Variants in ITGB5 observed in about 807,000 individuals in gnomAD.
The protein encoded by ITGB5 is integrin subunit beta 5.
Under a neutral mutation model 84.8 loss-of-function variants are expected in ITGB5, and 38 were observed. The observed-to-expected ratio is 0.45, with a 90% CI of 0.35 to 0.59. The LOEUF is 0.59. Among genes scored for constraint, ITGB5 ranks in the 20% least tolerant of loss-of-function variants. ITGB5 has a pLI of 0.01. For synonymous variants in ITGB5, 393 were observed against 414.4 expected, an observed-to-expected ratio of 0.95 and a Z score of 0.63; for missense variants, 905 against 1,034.5, an observed-to-expected ratio of 0.87 and a Z score of 1.72.
intron 8 of ITGB5, among the ~76,000 whole-genome samples, chr3:124,815,307 C>T (rs775949564): frequency 1.3e-5 from 2 of 152,214 alleles, no homozygotes; most frequent in Admixed American, 6.5e-5. Flanking sequence ...ATATCAAAGC[C>T]GCCAGGAGCA....
At chr3:124,894,195 C>T (rs1377215706) in intron 1 of ITGB5, among the ~76,000 whole-genome samples, 66 of 127,250 alleles carry the variant, frequency 5.2e-4, no homozygotes, top group Middle Eastern at 6.7e-3. Context: ...TGCAGTGGCA[C>T]GATCTCGGCT....
chr3:124,806,496 C>T (rs1173218168), intron 9 of ITGB5, among the ~76,000 whole-genome samples: 2 of 139,592 alleles, frequency 1.4e-5, no homozygotes, highest in Admixed American at 7.9e-5. Context: ...TGCAGTGGCG[C>T]GATCTCGGCT....
At position 124,813,359 on chromosome 3, in the gene ITGB5, G is replaced by C. The variant is rs191576316; in HGVS notation, c.1129-4203C>G. On this transcript the variant is annotated intron_variant, in intron 8 of 14. Transcript: ENST00000296181. ...CCATGCAATTCTCTACTGGACACTG[G>C]TTGGTTATCTTCTAATTCAGCACAA... Among the ~76,000 whole-genome samples, 59 of 152,254 alleles carry C rather than the reference G, an allele frequency of 3.9e-4. 1 individual carries two copies. Among genetic ancestry groups the C allele is most frequent in the Admixed American group, 2.8e-3 (43 of 15,302 alleles).
At chr3:124,865,487 T>TTTC (rs1559977083) in intron 2 of ITGB5, among the ~76,000 whole-genome samples, 8 of 135,372 alleles carry the variant, frequency 5.9e-5, no homozygotes, top group African/African-American at 2.0e-4. Context: ...TTTTCTTTTT[T>TTTC]TTTTTTTTTT....
chr3:124,775,213 A>G (rs950063396), intron 10 of ITGB5, among the ~76,000 whole-genome samples: 15 of 152,118 alleles, frequency 9.9e-5, no homozygotes, highest in Admixed American at 9.8e-4. Flanking sequence ...CTTGTGAGAA[A>G]GCGAGTGTGA....
intron 1 of ITGB5, among the ~76,000 whole-genome samples, chr3:124,898,217 T>TC (rs558311741): frequency 0.057 from 3,243 of 57,132 alleles, 135 homozygotes; most frequent in African/African-American, 0.18. Context: ...TGCTTTGAGG[T>TC]CTTTTTTTTT....
At chr3:124,857,210 A>G (rs1237425641) in intron 3 of ITGB5, 1 of 152,266 alleles carries the variant, frequency 6.6e-6, no homozygotes, top group East Asian at 1.9e-4. Context: ...AGCAACAACA[A>G]CGAGCTTTAC....
At chr3:124,900,639 A>G (rs933200676) in intron 1 of ITGB5, among the ~76,000 whole-genome samples, 1 of 151,932 alleles carries the variant, frequency 6.6e-6, no homozygotes, top group African/African-American at 2.4e-5. Context: ...GCTCTCCCCA[A>G]CCTAATCTCC....
chr3:124,863,308 G>C (rs1405416920), intron 2 of ITGB5: 2 of 152,206 alleles, frequency 1.3e-5, no homozygotes, highest in Non-Finnish European at 2.9e-5. Context: ...AAGAGGTAAA[G>C]ATCTCTTTTG....
At chr3:124,827,132 A>T (rs2064794585) in intron 5 of ITGB5, among the ~76,000 whole-genome samples, 1 of 152,206 alleles carries the variant, frequency 6.6e-6, no homozygotes, top group Admixed American at 6.5e-5. Context: ...AAAAAAAACA[A>T]TGAACTACAA....
At chr3:124,774,878 T>C (rs937403691) in intron 10 of ITGB5, among the ~76,000 whole-genome samples, 15 of 152,178 alleles carry the variant, frequency 9.9e-5, no homozygotes, top group Admixed American at 9.8e-4. Flanking sequence ...CAGTGACTTA[T>C]GGGGCAGGCA....
intron 10 of ITGB5, 108 bp from the exon 11 acceptor site, chr3:124,774,020 C>T (rs1303263512): frequency 8.3e-6 from 8 of 963,576 alleles, no homozygotes; most frequent in Non-Finnish European, 1.3e-5. Flanking sequence ...GAATGGAACA[C>T]CAACTCTGCC....
rs146966909 is a variant in ITGB5, at chr3:124,879,466, T to C, written c.71-5935A>G. On this transcript the variant is annotated intron_variant, in intron 1 of 14. Transcript: ENST00000296181. Reference sequence around the variant, plus strand: ...CACAATGGACAAAAGAGTCCCAGTATAGACTCCAGCAACTAAATAGCCATA... The same window carrying C: ...CACAATGGACAAAAGAGTCCCAGTACAGACTCCAGCAACTAAATAGCCATA... 3.3e-3 allele frequency among the ~76,000 whole-genome samples: 498 copies of C among 152,338 alleles called. 2 individuals carry two copies. The highest frequency in any genetic ancestry group is 5.3e-3 in the Admixed American group (81 of 15,304).
In ITGB5 at chr3:124,763,413, C is replaced by T. The variant is rs114406611; in HGVS notation, c.*210G>A. The T allele has an allele frequency of 2.9e-5, 12 of 417,076 alleles. No individual in the cohort carries two copies. Among genetic ancestry groups the T allele is most frequent in the Admixed American group, 8.3e-5 (2 of 24,120 alleles). 25.8% of individuals were successfully genotyped at this position (417,076 alleles called of 1,614,324 possible). A position where few individuals can be genotyped will look rare whatever the true frequency, so the allele number is the denominator to read the frequency against. On this transcript the variant is annotated 3_prime_UTR_variant, in exon 15 of 15. Transcript: ENST00000296181. ...TTGCTTTATCCCAAGCTCGGAGGGA[C>T]GCAGCCTGGCATGGCTCTGGCCTAG... is the stretch of plus-strand genomic sequence containing the variant.
intron 2 of ITGB5, among the ~76,000 whole-genome samples, chr3:124,863,925 A>G (rs1024524250): frequency 1.3e-5 from 2 of 151,638 alleles, no homozygotes; most frequent in African/African-American, 4.8e-5. Flanking sequence ...GTATACAAAC[A>G]TTATAAATCT....
intron 3 of ITGB5, among the ~76,000 whole-genome samples, chr3:124,849,114 C>T (rs1190683093): frequency 6.6e-6 from 1 of 152,172 alleles, no homozygotes; most frequent in Admixed American, 6.5e-5. Context: ...TCCTTAACAA[C>T]CAGGCTCCTT....
At chr3:124,848,270 A>C in intron 4 of ITGB5, 39 bp downstream of exon 4, 1 of 1,597,628 alleles carries the variant, frequency 6.3e-7, no homozygotes, top group South Asian at 1.1e-5. Flanking sequence ...CCATTCTCCC[A>C]CCCTTAAGTA....
intron 10 of ITGB5, among the ~76,000 whole-genome samples, chr3:124,787,222 G>A (rs1276426737): frequency 6.6e-6 from 1 of 152,108 alleles, no homozygotes; most frequent in African/African-American, 2.4e-5. Flanking sequence ...GACGGTGAGG[G>A]GAGGCCCAAC....
chr3:124,899,284 G>A (rs561908930), intron 1 of ITGB5, among the ~76,000 whole-genome samples: 1 of 152,166 alleles, frequency 6.6e-6, no homozygotes, highest in South Asian at 2.1e-4. Flanking sequence ...AATAAATTTT[G>A]TTGAGGGCTT....
Sources: allele counts gnomAD v4.1 joint callset (sites outside exome capture counted in the v4.1 genomes callset), GRCh38; gene constraint gnomAD v4.1.1; transcripts MANE v1.5; gene names NCBI Gene and HGNC (gene_info 2026-07-23, HGNC 2026-07-21).